Variants in PDE7B observed in about 807,000 individuals in gnomAD.
PDE7B encodes phosphodiesterase 7B.
A neutral mutation model predicts 56.2 loss-of-function variants in PDE7B; 29 were observed. The observed-to-expected ratio is 0.52, with a 90% CI of 0.38 to 0.70. The LOEUF (loss-of-function observed/expected upper bound fraction) is 0.70. Among genes scored for constraint, PDE7B ranks in the 30% least tolerant of loss-of-function variants. The pLI is 0.00. For missense variants in PDE7B, 490 were observed against 565.0 expected (o/e 0.87, Z 1.35); for synonymous variants, 197 against 196.9 (o/e 1.00, Z 0.00).
At chr6:135,930,444 C>T (rs1443015327) in intron 1 of PDE7B, among the ~76,000 whole-genome samples, 2 of 152,090 alleles carry the variant, frequency 1.3e-5, no homozygotes, top group Non-Finnish European at 2.9e-5. Context: ...ATCACTCTGG[C>T]TGCTATGTGA....
chr6:136,119,930 A>T (rs1398731680), intron 3 of PDE7B, among the ~76,000 whole-genome samples: 1 of 152,156 alleles, frequency 6.6e-6, no homozygotes, highest in Non-Finnish European at 1.5e-5. Context: ...TTGGCTCCAG[A>T]GCCGGCTGCC....
intron 2 of PDE7B, among the ~76,000 whole-genome samples, chr6:136,026,910 G>A (rs140552930): frequency 1.3e-5 from 2 of 152,310 alleles, no homozygotes; most frequent in East Asian, 3.9e-4. Flanking sequence ...ATTCATATGT[G>A]TTGATACCCT....
intron 1 of PDE7B, among the ~76,000 whole-genome samples, chr6:135,882,272 ATT>A (rs1415896296): frequency 6.6e-6 from 1 of 152,164 alleles, no homozygotes; most frequent in African/African-American, 2.4e-5. Flanking sequence ...CGATTAAATT[ATT>A]TTCTGTTTCC....
intron 2 of PDE7B, among the ~76,000 whole-genome samples, chr6:135,966,268 T>C (rs1473613037): frequency 2.6e-5 from 4 of 152,258 alleles, no homozygotes; most frequent in East Asian, 3.9e-4. Context: ...TTTTTTCTAG[T>C]TTTAATGAAG....
At chr6:136,142,454 G>A (rs1308498709) in intron 3 of PDE7B, among the ~76,000 whole-genome samples, 2 of 152,176 alleles carry the variant, frequency 1.3e-5, no homozygotes, top group Non-Finnish European at 2.9e-5. Context: ...GGAGAGTTCT[G>A]TAGATGTCTA....
At chr6:136,038,072 G>T (rs1281807106) in intron 2 of PDE7B, 7 of 1,338,088 alleles carry the variant, frequency 5.2e-6, no homozygotes, top group Non-Finnish European at 4.9e-6. Context: ...GTTTGTGGAG[G>T]GCCTGAAGAG....
chr6:135,983,267 G>A (rs1223172790), intron 2 of PDE7B, among the ~76,000 whole-genome samples: 2 of 152,150 alleles, frequency 1.3e-5, no homozygotes, highest in African/African-American at 2.4e-5. Flanking sequence ...AGTGGGCTGA[G>A]TTCACCCCTA....
At chr6:136,151,331 G>A in intron 6 of PDE7B, 76 bp downstream of exon 6, 1 of 765,934 alleles carries the variant, frequency 1.3e-6, no homozygotes, top group South Asian at 1.5e-5. Flanking sequence ...AATATAAAGT[G>A]GTAAGATCCA....
chr6:136,162,735 C>A (rs2128448796), intron 8 of PDE7B, among the ~76,000 whole-genome samples: 1 of 152,304 alleles, frequency 6.6e-6, no homozygotes, highest in African/African-American at 2.4e-5. Context: ...TTCCTAGATA[C>A]AATGGGGTCA....
chr6:135,958,438 A>G (rs1422581835), intron 2 of PDE7B, among the ~76,000 whole-genome samples: 1 of 152,176 alleles, frequency 6.6e-6, no homozygotes, highest in Admixed American at 6.5e-5. Flanking sequence ...TTCTATTGGA[A>G]GGAGTATAGA....
intron 3 of PDE7B, among the ~76,000 whole-genome samples, chr6:136,139,656 G>A (rs1168444921): frequency 2.6e-5 from 4 of 152,050 alleles, no homozygotes; most frequent in African/African-American, 7.3e-5. Flanking sequence ...TTTAACTATC[G>A]CCATTCTAAC....
At chr6:136,065,544 T>C (rs1246326090) in intron 2 of PDE7B, among the ~76,000 whole-genome samples, 1 of 152,194 alleles carries the variant, frequency 6.6e-6, no homozygotes, top group Non-Finnish European at 1.5e-5. Context: ...TTAACTTCAA[T>C]TTCAGAAGCA....
chr6:136,195,455 G>GAAAAAAAAAAAAAAAAA lies in PDE7B; in HGVS notation c.*3621_*3637dup, dbSNP rs559769128. On this transcript the variant is annotated 3_prime_UTR_variant, in exon 13 of 13. Transcript: ENST00000308191. ...CATTTTGTATACACATGTGAGGTTT[G>GAAAAAAAAAAAAAAAAA]AAAAAAAAAAAAAAAAAAAAAAGAA... 2.9e-5 allele frequency: 2 copies of GAAAAAAAAAAAAAAAAA among 68,970 alleles called. No homozygotes were observed. The highest frequency in any genetic ancestry group is 5.0e-4 in the South Asian group (1 of 1,988). The allele number at this position is 68,970 out of a possible 1,614,324, so 4.3% of individuals were successfully genotyped here.
At chr6:135,981,330 T>C (rs985510308) in intron 2 of PDE7B, among the ~76,000 whole-genome samples, 3 of 150,374 alleles carry the variant, frequency 2.0e-5, no homozygotes, top group Non-Finnish European at 4.4e-5. Context: ...ATATACCTAA[T>C]GCTAGATGAC....
intron 2 of PDE7B, among the ~76,000 whole-genome samples, chr6:135,995,971 C>T (rs1031880720): frequency 2.0e-5 from 3 of 152,108 alleles, no homozygotes; most frequent in Admixed American, 1.3e-4. Flanking sequence ...TGGATACACA[C>T]ATGCACACAC....
At chr6:136,078,438 T>TAG (rs1281034768) in intron 2 of PDE7B, among the ~76,000 whole-genome samples, 1 of 152,194 alleles carries the variant, frequency 6.6e-6, no homozygotes, top group Non-Finnish European at 1.5e-5. Context: ...CTACTCCTGC[T>TAG]AGATCCATTC....
intron 8 of PDE7B, among the ~76,000 whole-genome samples, chr6:136,157,356 G>A (rs1420898699): frequency 6.6e-6 from 1 of 152,156 alleles, no homozygotes; most frequent in East Asian, 1.9e-4. Context: ...TGAGGCAGGC[G>A]GATCACTTGA....
At chr6:135,922,129 C>T (rs1229710493) in intron 1 of PDE7B, among the ~76,000 whole-genome samples, 4 of 152,166 alleles carry the variant, frequency 2.6e-5, no homozygotes, top group Non-Finnish European at 5.9e-5. Flanking sequence ...TTTATTCTAA[C>T]TCCTGTTTCC....
chr6:135,938,915 G>C (rs1774463105), intron 1 of PDE7B, among the ~76,000 whole-genome samples: 1 of 152,210 alleles, frequency 6.6e-6, no homozygotes. Flanking sequence ...GCTGAAAGCA[G>C]GTTTTCCAAG....
Sources: gnomAD v4.1 joint callset for allele counts (sites outside exome capture counted in the v4.1 genomes callset) on GRCh38, gnomAD v4.1.1 for gene constraint, MANE v1.5 for transcripts, NCBI Gene and HGNC (gene_info 2026-07-23, HGNC 2026-07-21) for gene names.